The following TRMT9B variants were observed in gnomAD, a reference collection of about 807,000 sequenced individuals.
The protein encoded by TRMT9B is tRNA methyltransferase 9B (putative), also known as probable tRNA methyltransferase 9B.
Under a neutral mutation model 11.5 loss-of-function variants are expected in TRMT9B, and 16 were observed. The ratio of observed to expected loss-of-function variants is 1.39; its 90% CI spans 0.94 to 2.11. The LOEUF (loss-of-function observed/expected upper bound fraction) is 2.11. Among genes scored for constraint, TRMT9B ranks in the 30% most tolerant of loss-of-function variants. The probability of loss-of-function intolerance (pLI) is 0.00; values close to 1 mark genes in which losing one functional copy is unlikely to be tolerated. For missense variants in TRMT9B, 941 were observed against 553.8 expected (o/e 1.70, Z -7.02); for synonymous variants, 274 against 192.4 (o/e 1.42, Z -3.51).
Position 13,006,404 on chromosome 8 carries a change from C to T in TRMT9B, c.154+48C>T, listed in dbSNP as rs1387709913. ...GACATAGGTAACCAGGCAGCCTCAT[C>T]GCTGACATAGGTAACCAGGCAGCCT... On this transcript the variant is annotated intron_variant, in intron 3 of 4. Coordinates refer to ENST00000524591, the MANE Select transcript of TRMT9B (RefSeq NM_020844.3). The T allele has an allele frequency of 7.5e-6, 11 of 1,473,180 alleles. No individual in the cohort carries two copies. In the South Asian group the frequency reaches 1.0e-4, roughly 13 times the overall value. The allele number at this position is 1,473,180 out of a possible 1,614,324, so 91.3% of individuals were successfully genotyped here.
chr8:13,021,038 G>T lies in TRMT9B; in HGVS notation c.359G>T (p.Arg120Ile). ...CATCATTTTTCTACAAAACAAAGAA[G>T]AATCAGAGCAATAAAAGAAATGGCC... ...VIHHFSTKQR[R>I]IRAIKEMARV... The change falls in exon 5 of 5, where the codon AGA becomes ATA. Residue 120 changes from arginine to isoleucine, a missense_variant. Arg to Ile is a moderately conservative substitution (Grantham distance 97, BLOSUM62 -3). Transcript: ENST00000524591. 1 of 1,567,110 alleles carries T rather than the reference G, an allele frequency of 6.4e-7. No homozygotes were observed. Among genetic ancestry groups the T allele is most frequent in the Non-Finnish European group, 8.6e-7 (1 of 1,158,518 alleles).
chr8:12,956,214 T>A (rs1175830946), intron 1 of TRMT9B, among the ~76,000 whole-genome samples: 1 of 152,316 alleles, frequency 6.6e-6, no homozygotes, highest in East Asian at 1.9e-4. Context: ...TAGGAGTGAA[T>A]GTTCTGTGAC....
intron 4 of TRMT9B, 101 bp from the exon 5 acceptor site, chr8:13,020,907 G>C (rs950905067): frequency 2.8e-6 from 2 of 715,066 alleles, no homozygotes; most frequent in Non-Finnish European, 4.4e-6. Context: ...GGTTTCATTA[G>C]ATGTCAAAAT....
intron 2 of TRMT9B, among the ~76,000 whole-genome samples, chr8:12,994,977 T>G (rs1293117679): frequency 6.6e-6 from 1 of 152,210 alleles, no homozygotes; most frequent in East Asian, 1.9e-4. Flanking sequence ...CCCCCGCGCC[T>G]GGCTGAAAAG....
chr8:12,980,175 T>C (rs1243092551), intron 1 of TRMT9B, among the ~76,000 whole-genome samples: 1 of 152,118 alleles, frequency 6.6e-6, no homozygotes, highest in Non-Finnish European at 1.5e-5. Context: ...TAAATGAAGT[T>C]GTCAGCGGGG....
chr8:12,953,759 G>A (rs922433480), intron 1 of TRMT9B, among the ~76,000 whole-genome samples: 3 of 152,182 alleles, frequency 2.0e-5, no homozygotes, highest in Non-Finnish European at 2.9e-5. Context: ...CTCATAGCAA[G>A]AAAATCACTT....
chr8:12,948,477 TTA>T (rs1279608369), intron 1 of TRMT9B, among the ~76,000 whole-genome samples: 1 of 147,954 alleles, frequency 6.8e-6, no homozygotes, highest in African/African-American at 2.5e-5. Flanking sequence ...ATACAATAAT[TTA>T]TATTATATAA....
intron 1 of TRMT9B, among the ~76,000 whole-genome samples, chr8:12,967,400 C>G (rs1049077393): frequency 1.3e-5 from 2 of 152,176 alleles, no homozygotes; most frequent in African/African-American, 4.8e-5. Context: ...TATAGCTCCC[C>G]TACAAAGACT....
chr8:12,993,652 G>A (rs1807788907), intron 2 of TRMT9B, among the ~76,000 whole-genome samples: 1 of 152,192 alleles, frequency 6.6e-6, no homozygotes, highest in Non-Finnish European at 1.5e-5. Flanking sequence ...TTCTAGGCTG[G>A]CATTCCAATA....
intron 2 of TRMT9B, among the ~76,000 whole-genome samples, chr8:12,999,008 G>T (rs568608811): frequency 6.6e-6 from 1 of 152,210 alleles, no homozygotes; most frequent in East Asian, 1.9e-4. Context: ...CATTAAGAAA[G>T]ATTGTTCAGG....
rs71207110 is a variant in TRMT9B at position 12,984,987 on chromosome 8, A to ACTCT, written c.-199-5839_-199-5836dup. ...CACACACACACACACACACACACAC[A>ACTCT]CTCTCTCTCTCACACTCCCCACCCA... is the stretch of plus-strand genomic sequence containing the variant. On this transcript the variant is annotated intron_variant, in intron 1 of 4. Coordinates refer to ENST00000524591, the MANE Select transcript of TRMT9B (RefSeq NM_020844.3). 7.1e-3 allele frequency among the ~76,000 whole-genome samples: 917 copies of ACTCT among 129,174 alleles called. 6 individuals carry two copies. The highest frequency in any genetic ancestry group is 0.024 in the African/African-American group (803 of 33,594). 84.7% of individuals were successfully genotyped at this position (129,174 alleles called of 152,430 possible).
Position 13,021,298 on chromosome 8 carries a change from T to C in TRMT9B, c.619T>C (p.Cys207Arg), listed in dbSNP as rs3739310. The change falls in exon 5 of 5, where the codon TGT (cysteine) becomes CGT (arginine). Residue 207 changes from cysteine to arginine, a missense_variant. By Grantham distance (180) the Cys-to-Arg change is radical. Transcript: ENST00000524591. ...CSCSVCFKEQ[C>R]GSKRSHSVGY... is the part of the protein sequence containing the mutation. Reference sequence around the variant, plus strand: ...CTGTTCTGTTTGTTTTAAAGAGCAGTGTGGTTCAAAACGGTCCCACAGCGT... The same window carrying C: ...CTGTTCTGTTTGTTTTAAAGAGCAGCGTGGTTCAAAACGGTCCCACAGCGT... 5 of 1,613,820 alleles carry C rather than the reference T, an allele frequency of 3.1e-6. No individual in the cohort carries two copies. The highest frequency in any genetic ancestry group is 4.2e-6 in the Non-Finnish European group (5 of 1,179,862).
rs1482146837 is a variant in TRMT9B at position 13,025,932 on chromosome 8, C to G, written c.*3888C>G. On this transcript the variant is annotated 3_prime_UTR_variant, in exon 5 of 5. Coordinates refer to ENST00000524591, the MANE Select transcript of TRMT9B (RefSeq NM_020844.3). The stretch of plus-strand genomic sequence containing the variant: ...GGAGTAATCCAGAGAAAAAACCATC[C>G]AAATATAAACCAGCTAGGAACATGA... 3 of 166,720 alleles carry G rather than the reference C, an allele frequency of 1.8e-5. No homozygotes were observed. The highest frequency in any genetic ancestry group is 1.3e-4 in the Admixed American group (2 of 15,250). 10.3% of individuals were successfully genotyped at this position (166,720 alleles called of 1,614,324 possible).
At chr8:12,970,717 T>C (rs1803482120) in intron 1 of TRMT9B, among the ~76,000 whole-genome samples, 1 of 152,216 alleles carries the variant, frequency 6.6e-6, no homozygotes, top group East Asian at 1.9e-4. Flanking sequence ...ATCACAATTT[T>C]ATTTGGAAGT....
chr8:13,021,917 A>C lies in TRMT9B; in HGVS notation c.1238A>C (p.His413Pro). 2.5e-6 allele frequency: 4 copies of C among 1,613,760 alleles called. No homozygotes were observed. The highest frequency in any genetic ancestry group is 1.1e-5 in the South Asian group (1 of 91,054). The change falls in exon 5 of 5, where the codon CAT becomes CCT. Residue 413 changes from histidine to proline, a missense_variant. Physicochemically the swap from His to Pro is moderately conservative, Grantham distance 77. Coordinates refer to ENST00000524591, the MANE Select transcript of TRMT9B (RefSeq NM_020844.3). ...LDSTAFMRYY[H>P]VFREGELCSL... ...TCCACAGCCTTTATGCGCTACTACC[A>C]TGTGTTTCGAGAAGGGGAGCTCTGC... is the stretch of plus-strand genomic sequence containing the variant.
At chr8:12,949,394 T>C (rs188898961) in intron 1 of TRMT9B, among the ~76,000 whole-genome samples, 1 of 152,332 alleles carries the variant, frequency 6.6e-6, no homozygotes, top group Non-Finnish European at 1.5e-5. Context: ...TTTGCTGAGA[T>C]GTGAAAGTGA....
At chr8:13,003,064 A>G (rs536818919) in intron 2 of TRMT9B, among the ~76,000 whole-genome samples, 62 of 152,256 alleles carry the variant, frequency 4.1e-4, no homozygotes, top group Middle Eastern at 3.4e-3. Flanking sequence ...GCTGTGTCCT[A>G]AGTGCTGGGG....
In TRMT9B at chr8:13,026,841, T is replaced by C. The variant is rs935590724; in HGVS notation, c.*4797T>C. 1.7e-4 allele frequency: 28 copies of C among 167,072 alleles called. No individual in the cohort carries two copies. The highest frequency in any genetic ancestry group is 5.9e-4 in the Admixed American group (9 of 15,278). The allele number at this position is 167,072 out of a possible 1,614,324, so 10.3% of individuals were successfully genotyped here. A position where few individuals can be genotyped will look rare whatever the true frequency, so the allele number is the denominator to read the frequency against. ...TGTGCTTGGCGGAGTATTAGAGCCT[T>C]TCAAGGTAAGTGTGATTATCCCCTT... On this transcript the variant is annotated 3_prime_UTR_variant, in exon 5 of 5. Coordinates refer to ENST00000524591, the MANE Select transcript of TRMT9B (RefSeq NM_020844.3).
intron 1 of TRMT9B, among the ~76,000 whole-genome samples, chr8:12,986,508 T>C (rs1337305462): frequency 4.6e-5 from 7 of 152,240 alleles, no homozygotes; most frequent in Non-Finnish European, 8.8e-5. Context: ...CATTATGACA[T>C]TTCAAAATCA....
Sources: allele counts gnomAD v4.1 joint callset (sites outside exome capture counted in the v4.1 genomes callset), GRCh38; gene constraint gnomAD v4.1.1; transcripts MANE v1.5; gene names NCBI Gene and HGNC (gene_info 2026-07-23, HGNC 2026-07-21).